The following KALRN variants were observed in gnomAD, a reference collection of about 807,000 sequenced individuals.
The protein encoded by KALRN is kalirin RhoGEF kinase, also known as kalirin.
A neutral mutation model predicts 353.7 loss-of-function variants in KALRN; 70 were observed. That is an observed-to-expected ratio of 0.20 (90% confidence interval 0.16 to 0.24). The LOEUF (loss-of-function observed/expected upper bound fraction) is 0.24. Among genes scored for constraint, KALRN ranks in the 10% least tolerant of loss-of-function variants. The pLI is 1.00. For missense variants in KALRN, 2,791 were observed against 3,756.7 expected (o/e 0.74, Z 6.72); for synonymous variants, 1,391 against 1,434.8 (o/e 0.97, Z 0.69).
At chr3:124,387,988 G>A (rs2088664166) in intron 11 of KALRN, among the ~76,000 whole-genome samples, 1 of 151,962 alleles carries the variant, frequency 6.6e-6, no homozygotes, top group South Asian at 2.1e-4. Flanking sequence ...AATAAGGTGT[G>A]TGTGTATGTA....
At chr3:124,582,388 T>C (rs1259972389) in intron 34 of KALRN, among the ~76,000 whole-genome samples, 2 of 152,198 alleles carry the variant, frequency 1.3e-5, no homozygotes, top group Non-Finnish European at 2.9e-5. Flanking sequence ...AGAGATTCAT[T>C]TCCTGCTTGA....
intron 34 of KALRN, among the ~76,000 whole-genome samples, chr3:124,580,729 AG>A (rs569414357): frequency 6.6e-6 from 1 of 152,284 alleles, no homozygotes; most frequent in African/African-American, 2.4e-5. Context: ...CCTAGAACAG[AG>A]CCTGACACAG....
intron 15 of KALRN, among the ~76,000 whole-genome samples, chr3:124,427,172 G>A (rs1414057940): frequency 6.6e-6 from 1 of 152,192 alleles, no homozygotes; most frequent in Non-Finnish European, 1.5e-5. Flanking sequence ...ATCCAAAAGA[G>A]GGGCAGCCAA....
chr3:124,186,131 T>TGA (rs2074201477), intron 1 of KALRN, among the ~76,000 whole-genome samples: 3 of 152,180 alleles, frequency 2.0e-5, no homozygotes, highest in African/African-American at 7.2e-5. Flanking sequence ...AGTATCTTCA[T>TGA]AAGACCTTGA....
intron 34 of KALRN, among the ~76,000 whole-genome samples, chr3:124,570,120 C>A (rs188018642): frequency 6.6e-6 from 1 of 152,370 alleles, no homozygotes; most frequent in African/African-American, 2.4e-5. Flanking sequence ...CTTTCTCTAC[C>A]TCTTACTTTT....
intron 9 of KALRN, among the ~76,000 whole-genome samples, chr3:124,341,930 G>T (rs911337966): frequency 2.6e-5 from 4 of 152,070 alleles, no homozygotes; most frequent in Non-Finnish European, 4.4e-5. Context: ...GAAAGGATAT[G>T]GAAAGTGAAG....
At chr3:124,713,242 T>G in intron 58 of KALRN, 107 bp downstream of exon 58, 2 of 830,820 alleles carry the variant, frequency 2.4e-6, no homozygotes, top group African/African-American at 1.7e-5. Context: ...TCCTATCATT[T>G]GCAAAGTGCT....
chr3:124,490,618 C>A, intron 29 of KALRN, 76 bp from the exon 30 acceptor site: 1 of 1,400,422 alleles, frequency 7.1e-7, no homozygotes, highest in Non-Finnish European at 9.8e-7. Context: ...GGCCTTTCTC[C>A]AAGAGGGGGG....
intron 29 of KALRN, 36 bp downstream of exon 29, chr3:124,488,351 C>G: frequency 1.5e-6 from 2 of 1,339,310 alleles, no homozygotes; most frequent in Non-Finnish European, 2.2e-6. Flanking sequence ...AGCCTCCTCT[C>G]TTCCTTGACA....
intron 1 of KALRN, among the ~76,000 whole-genome samples, chr3:124,123,892 C>A (rs1416514655): frequency 6.6e-6 from 1 of 152,158 alleles, no homozygotes; most frequent in Non-Finnish European, 1.5e-5. Context: ...AAAAGAGATC[C>A]CTTTCAAAAT....
chr3:124,197,236 TTGTCTC>T (rs1292582330), intron 1 of KALRN, among the ~76,000 whole-genome samples: 2 of 152,200 alleles, frequency 1.3e-5, no homozygotes, highest in East Asian at 1.9e-4. Flanking sequence ...ATGTTAAACT[TTGTCTC>T]TGTATTCTAT....
intron 1 of KALRN, chr3:124,094,947 A>C (rs186628558): frequency 3.2e-6 from 5 of 1,539,796 alleles, no homozygotes; most frequent in Non-Finnish European, 9.0e-7. Context: ...ACTGAGAGAG[A>C]TAAATACACA....
At chr3:124,356,312 C>CTT (rs11433826) in intron 10 of KALRN, among the ~76,000 whole-genome samples, 14 of 139,830 alleles carry the variant, frequency 1.0e-4, no homozygotes, top group Middle Eastern at 3.7e-3. Flanking sequence ...AGATTGTTCT[C>CTT]TTTTTTTTTT....
chr3:124,717,226 C>A, intron 58 of KALRN, 21 bp from the exon 59 acceptor site: 1 of 1,575,578 alleles, frequency 6.3e-7, no homozygotes, highest in South Asian at 1.2e-5. Context: ...ATTTCCTTTG[C>A]CTTTCCCTGC....
At chr3:124,619,398 A>C (rs780753084) in intron 34 of KALRN, among the ~76,000 whole-genome samples, 1 of 151,370 alleles carries the variant, frequency 6.6e-6, no homozygotes, top group South Asian at 2.1e-4. Flanking sequence ...AGATATCTCT[A>C]TGAGGTAGTA....
intron 1 of KALRN, among the ~76,000 whole-genome samples, chr3:124,135,041 A>G (rs1478666599): frequency 6.6e-6 from 1 of 152,196 alleles, no homozygotes; most frequent in Non-Finnish European, 1.5e-5. Context: ...TACCCAGAGG[A>G]AAAGAAGTCA....
intron 13 of KALRN, among the ~76,000 whole-genome samples, chr3:124,404,153 GA>G (rs66603520): frequency 0.011 from 1,322 of 123,580 alleles, 31 homozygotes; most frequent in African/African-American, 0.037. Flanking sequence ...CTGCTCTCTG[GA>G]AAAAAAAAAA....
chr3:124,667,295 G>C (rs1481086116), intron 47 of KALRN, 112 bp downstream of exon 47: 2 of 908,118 alleles, frequency 2.2e-6, no homozygotes, highest in Non-Finnish European at 3.2e-6. Context: ...CATTTTATAG[G>C]TACTCCAACT....
chr3:124,338,501 C>T (rs2081359112), intron 9 of KALRN, among the ~76,000 whole-genome samples: 1 of 152,188 alleles, frequency 6.6e-6, no homozygotes, highest in Non-Finnish European at 1.5e-5. Context: ...GTCTGAGAGA[C>T]TGCTTGTTAT....
Sources: gnomAD v4.1 joint callset for allele counts (sites outside exome capture counted in the v4.1 genomes callset) on GRCh38, gnomAD v4.1.1 for gene constraint, MANE v1.5 for transcripts, NCBI Gene and HGNC (gene_info 2026-07-23, HGNC 2026-07-21) for gene names.